The following SMARCC1 variants were observed in gnomAD, a reference collection of about 807,000 sequenced individuals.
The protein encoded by SMARCC1 is SWI/SNF complex subunit SMARCC1.
In SMARCC1, 43 loss-of-function variants were observed where a neutral mutation model predicts 147.4. The observed-to-expected ratio is 0.29, with a 90% CI of 0.23 to 0.38. SMARCC1 has a LOEUF of 0.38. Among genes scored for constraint, SMARCC1 ranks in the 10% least tolerant of loss-of-function variants. SMARCC1 has a pLI of 1.00. For synonymous variants in SMARCC1, 495 were observed against 484.4 expected, an observed-to-expected ratio of 1.02 and a Z score of -0.29; for missense variants, 1,119 against 1,381.1, an observed-to-expected ratio of 0.81 and a Z score of 3.01.
chr3:47,609,964 C>T, intron 26 of SMARCC1, 102 bp downstream of exon 26: 1 of 1,257,894 alleles, frequency 7.9e-7, no homozygotes, highest in Non-Finnish European at 1.1e-6. Context: ...AAATTTTGAG[C>T]AGTCTTCATC....
At chr3:47,781,476 C>T (rs1423793086) in intron 1 of SMARCC1, 127 bp downstream of exon 1, 1 of 571,042 alleles carries the variant, frequency 1.8e-6, no homozygotes, top group Non-Finnish European at 2.6e-6. Context: ...CGTGGCGGGC[C>T]CGGCGCCTGC....
In SMARCC1 at chr3:47,662,366, C is replaced by T. The variant is rs765923911; in HGVS notation, c.2126G>A (p.Arg709His). 8.1e-6 allele frequency: 13 copies of T among 1,613,952 alleles called. No individual in the cohort carries two copies. Among genetic ancestry groups the T allele is most frequent in the East Asian group, 2.2e-5 (1 of 44,898 alleles). ...VAFLASVVDPRVASAAAKAAL... is the reference protein window; with the variant it reads ...VAFLASVVDPHVASAAAKAAL... ...CGCTTTTGCTGCAGCAGATGCCACG[C>T]GAGGGTCCACCACAGATGCCAAAAA... Residue 709 changes from arginine (R) to histidine (H), a missense_variant, in exon 20 of 28, where the codon CGC (arginine) becomes CAC (histidine). Physicochemically the swap from Arg to His is conservative, Grantham distance 29 (BLOSUM62 0). Transcript: ENST00000254480.
At chr3:47,725,032 C>CAAAA (rs35548192) in intron 6 of SMARCC1, among the ~76,000 whole-genome samples, 7,495 of 31,672 alleles carry the variant, frequency 0.24, 1,188 homozygotes, top group East Asian at 0.31. Context: ...ACTGTCTCCA[C>CAAAA]AAAAAAAAAA....
At chr3:47,648,290 C>T (rs546494252) in intron 21 of SMARCC1, among the ~76,000 whole-genome samples, 87 of 152,188 alleles carry the variant, frequency 5.7e-4, no homozygotes, top group African/African-American at 2.0e-3. Context: ...CCACCGCACC[C>T]GGCCTTATAA....
At chr3:47,751,911 A>G (rs138875256) in intron 2 of SMARCC1, among the ~76,000 whole-genome samples, 11 of 152,136 alleles carry the variant, frequency 7.2e-5, no homozygotes, top group African/African-American at 1.2e-4. Context: ...GTGAAACTCC[A>G]TTACTACTAA....
In SMARCC1 at chr3:47,781,845, G is replaced by A. The variant is rs574150911; in HGVS notation, c.-48C>T. 26 of 1,242,722 alleles carry A rather than the reference G, an allele frequency of 2.1e-5. No individual in the cohort carries two copies. In the South Asian group the frequency reaches 5.7e-4, roughly 27 times the overall value. The allele number at this position is 1,242,722 out of a possible 1,614,324, so 77.0% of individuals were successfully genotyped here. ...AGCCTGGCCCACCCCGGCCCTCGCG[G>A]TGTTTCCCGGTCGTTCCCGCGCGCA... On this transcript the variant is annotated 5_prime_UTR_variant, in exon 1 of 28. Transcript: ENST00000254480.
chr3:47,601,790 C>T (rs2032390851), intron 26 of SMARCC1: 1 of 150,916 alleles, frequency 6.6e-6, no homozygotes, highest in Admixed American at 6.6e-5. Context: ...ACCTCTGCCT[C>T]CTGGGTTCAA....
At chr3:47,683,933 T>A (rs2033686298) in intron 14 of SMARCC1, among the ~76,000 whole-genome samples, 1 of 151,556 alleles carries the variant, frequency 6.6e-6, no homozygotes, top group Non-Finnish European at 1.5e-5. Context: ...TATTAAATAG[T>A]CACATCTCAT....
At chr3:47,711,650 A>G (rs886201280) in intron 8 of SMARCC1, among the ~76,000 whole-genome samples, 1 of 152,234 alleles carries the variant, frequency 6.6e-6, no homozygotes, top group Non-Finnish European at 1.5e-5. Context: ...CTAGAAAACA[A>G]TATGAACTTC....
chr3:47,591,476 G>A (rs1422857554), intron 26 of SMARCC1, among the ~76,000 whole-genome samples: 1 of 150,040 alleles, frequency 6.7e-6, no homozygotes, highest in African/African-American at 2.4e-5. Context: ...ACTCATAAGG[G>A]AAAACAAAGA....
At chr3:47,654,603 C>A (rs956344586) in intron 21 of SMARCC1, among the ~76,000 whole-genome samples, 1 of 152,164 alleles carries the variant, frequency 6.6e-6, no homozygotes, top group Non-Finnish European at 1.5e-5. Flanking sequence ...GCTCACAGTT[C>A]CACAGACTTA....
chr3:47,602,584 C>A (rs1043026257), intron 26 of SMARCC1, among the ~76,000 whole-genome samples: 4 of 152,188 alleles, frequency 2.6e-5, no homozygotes, highest in Non-Finnish European at 4.4e-5. Flanking sequence ...AGGCGTAAGC[C>A]ATCATTTCCA....
Position 47,676,619 on chromosome 3 carries a change from A to G in SMARCC1, c.1725+10T>C, listed in dbSNP as rs1430298587. 1.9e-6 allele frequency: 3 copies of G among 1,612,128 alleles called. No individual in the cohort carries two copies. The highest frequency in any genetic ancestry group is 1.7e-5 in the Admixed American group (1 of 59,914). On this transcript the variant is annotated intron_variant, in intron 17 of 27. Coordinates refer to ENST00000254480, the MANE Select transcript of SMARCC1 (RefSeq NM_003074.4). Reference sequence around the variant, plus strand: ...TATCCAGGTCTGATGAAAAGTCAACATTAATTTACCTGAGGTGATCGAAGA... The same window carrying G: ...TATCCAGGTCTGATGAAAAGTCAACGTTAATTTACCTGAGGTGATCGAAGA...
chr3:47,701,220 T>G lies in SMARCC1; in HGVS notation c.1165+58A>C, dbSNP rs1256774024. On this transcript the variant is annotated intron_variant, in intron 11 of 27. Transcript: ENST00000254480. The stretch of plus-strand genomic sequence containing the variant: ...CCACAGCAAGCAATGAATCATCCCA[T>G]GGTATTGCTGAGAATGACTAAATTA... 2.7e-6 allele frequency: 4 copies of G among 1,475,778 alleles called. No homozygotes were observed. The African/African-American group carries it at 4.2e-5, about 15-fold the overall frequency. 91.4% of individuals were successfully genotyped at this position (1,475,778 alleles called of 1,614,324 possible).
chr3:47,660,715 C>T (rs1473197721), intron 21 of SMARCC1, among the ~76,000 whole-genome samples: 1 of 152,108 alleles, frequency 6.6e-6, no homozygotes, highest in African/African-American at 2.4e-5. Context: ...GTGGGTACCA[C>T]AGCTGAAGAG....
intron 14 of SMARCC1, among the ~76,000 whole-genome samples, chr3:47,684,677 A>C (rs2033699658): frequency 6.6e-6 from 1 of 152,082 alleles, no homozygotes; most frequent in Non-Finnish European, 1.5e-5. Context: ...TGCTGACCTC[A>C]GGTGATCTGC....
chr3:47,735,599 A>C (rs2034432011), intron 5 of SMARCC1, among the ~76,000 whole-genome samples: 2 of 151,984 alleles, frequency 1.3e-5, no homozygotes, highest in African/African-American at 2.4e-5. Context: ...GCAAAACCCC[A>C]CCTCTACGAA....
At chr3:47,639,247 T>A (rs2033015099) in intron 21 of SMARCC1, among the ~76,000 whole-genome samples, 2 of 152,224 alleles carry the variant, frequency 1.3e-5, no homozygotes, top group African/African-American at 4.8e-5. Context: ...GGAAACACTA[T>A]GACCCAGATA....
chr3:47,615,186 T>C (rs2032621092), intron 25 of SMARCC1, among the ~76,000 whole-genome samples: 1 of 152,238 alleles, frequency 6.6e-6, no homozygotes. Flanking sequence ...ATATGCAGCA[T>C]ATAATACCTT....
Sources: allele counts gnomAD v4.1 joint callset (sites outside exome capture counted in the v4.1 genomes callset), GRCh38; gene constraint gnomAD v4.1.1; transcripts MANE v1.5; gene names NCBI Gene and HGNC (gene_info 2026-07-23, HGNC 2026-07-21).